Variants in CDC23 observed in about 807,000 individuals in gnomAD.
CDC23 encodes cell division cycle 23.
A neutral mutation model predicts 81.7 loss-of-function variants in CDC23; 26 were observed. The observed-to-expected ratio is 0.32, with a 90% CI of 0.23 to 0.44. The LOEUF is 0.44. Ranked by LOEUF, CDC23 falls within the 20% of genes least tolerant of loss-of-function variation. The probability of loss-of-function intolerance (pLI) is 1.00; values close to 1 mark genes in which losing one functional copy is unlikely to be tolerated. For missense variants in CDC23, 519 were observed against 728.0 expected (o/e 0.71, Z 3.30); for synonymous variants, 267 against 270.8 (o/e 0.99, Z 0.14).
At chr5:138,191,326 T>C (rs534615076) in intron 13 of CDC23, 148 bp downstream of exon 13, 4 of 760,244 alleles carry the variant, frequency 5.3e-6, no homozygotes, top group South Asian at 3.0e-5. Flanking sequence ...ACAAGATGGC[T>C]ACATTCACAA....
intron 2 of CDC23, among the ~76,000 whole-genome samples, chr5:138,212,198 G>A (rs1755120868): frequency 6.6e-6 from 1 of 152,152 alleles, no homozygotes; most frequent in South Asian, 2.1e-4. Context: ...TGAGGAAACT[G>A]GCTCAGAAGG....
rs762693491 is a variant in CDC23 at position 138,198,285 on chromosome 5, G to A, written c.931-5C>T. ...ACTCAACTCCGATTTCATGCTCTGG[G>A]ATAAAAGAAAAAGACAATATAAGCA... On this transcript the variant is annotated splice_polypyrimidine_tract_variant and splice_region_variant and intron_variant, in intron 8 of 15. Transcript: ENST00000394886. 1 of 1,611,460 alleles carries A rather than the reference G, an allele frequency of 6.2e-7. No individual in the cohort carries two copies. Among genetic ancestry groups the A allele is most frequent in the Non-Finnish European group, 8.5e-7 (1 of 1,177,908 alleles).
rs146729014 is a variant in CDC23, at chr5:138,197,211, CAGG to C, written c.1012+985_1012+987del. Among the ~76,000 whole-genome samples, 1,434 of 145,812 alleles carry C rather than the reference CAGG, an allele frequency of 9.8e-3. 70 individuals are homozygous for C. The highest frequency in any genetic ancestry group is 0.035 in the African/African-American group (1,359 of 38,734). On this transcript the variant is annotated intron_variant, in intron 9 of 15. Transcript: ENST00000394886. ...GTCCCAGCTACTCGGGAGGCTGAGG[CAGG>C]AGAATGGTGTAAACCCGGGAGGCAG...
chr5:138,197,265 C>A (rs527950077), intron 9 of CDC23, among the ~76,000 whole-genome samples: 10 of 137,200 alleles, frequency 7.3e-5, no homozygotes, highest in South Asian at 4.6e-4. Context: ...AATGGCGCCA[C>A]TGCACTCCAG....
At chr5:138,200,542 G>T (rs1398301264) in intron 6 of CDC23, among the ~76,000 whole-genome samples, 1 of 152,164 alleles carries the variant, frequency 6.6e-6, no homozygotes, top group East Asian at 1.9e-4. Flanking sequence ...AACATAGGCT[G>T]GGCGTGGTGG....
rs1300391859 is a variant in CDC23 at position 138,198,652 on chromosome 5, C to T, written c.785G>A (p.Ser262Asn). 1.2e-6 allele frequency: 2 copies of T among 1,614,012 alleles called. No individual in the cohort carries two copies. Among genetic ancestry groups the T allele is most frequent in the African/African-American group, 1.3e-5 (1 of 74,916 alleles). Residue 262 changes from serine to asparagine, a missense_variant, in exon 7 of 16, where the codon AGC (serine) becomes AAC (asparagine). Physicochemically the swap from Ser to Asn is conservative, Grantham distance 46. Around this residue, in one of 4 missense-constraint regions of CDC23, gnomAD observed 180 missense variants for 239.3 expected, o/e 0.75. Transcript: ENST00000394886. ...QNLIDVGFSK[S>N]SYIVSQIAVA... ...TGCAATTTGGGAAACAATATACGAG[C>T]TCTTAGAGAAGCCCACATCAATGAG...
chr5:138,194,958 G>A (rs1419730305), intron 9 of CDC23, among the ~76,000 whole-genome samples: 1 of 151,532 alleles, frequency 6.6e-6, no homozygotes, highest in African/African-American at 2.4e-5. Context: ...CTGAGCTCAG[G>A]TGATCCACCC....
chr5:138,188,067 C>A lies in CDC23; in HGVS notation c.*911G>T, dbSNP rs1754775909. 6.6e-6 allele frequency: 1 copy of A among 152,154 alleles called. No homozygotes were observed. The highest frequency in any genetic ancestry group is 2.4e-5 in the African/African-American group (1 of 41,410). The allele number at this position is 152,154 out of a possible 1,614,324, so 9.4% of individuals were successfully genotyped here. ...TCCAAGAGCACCATAAGAATGATTC[C>A]CTTTACCTCATCTAGATAAAGGCTG... On this transcript the variant is annotated 3_prime_UTR_variant, in exon 16 of 16. Transcript: ENST00000394886.
chr5:138,201,251 A>G lies in CDC23; in HGVS notation c.522-12T>C. 1 of 1,613,770 alleles carries G rather than the reference A, an allele frequency of 6.2e-7. No individual in the cohort carries two copies. The highest frequency in any genetic ancestry group is 8.5e-7 in the Non-Finnish European group (1 of 1,179,962). ...GCACCACACCATACCTGGGAAAAAA[A>G]AGAAACAATCACAGAAGTTAATGCT... On this transcript the variant is annotated splice_polypyrimidine_tract_variant and intron_variant, in intron 5 of 15. Transcript: ENST00000394886.
intron 4 of CDC23, 46 bp downstream of exon 4, chr5:138,202,067 G>A (rs1000370993): frequency 1.4e-6 from 2 of 1,457,566 alleles, no homozygotes; most frequent in Non-Finnish European, 1.9e-6. Flanking sequence ...ATTTAAGTTT[G>A]CAACCCTGCT....
At chr5:138,204,160 G>C (rs1755021520) in intron 3 of CDC23, among the ~76,000 whole-genome samples, 1 of 152,132 alleles carries the variant, frequency 6.6e-6, no homozygotes, top group Admixed American at 6.6e-5. Flanking sequence ...ATAAAGTAGA[G>C]AGAAATGATA....
At chr5:138,212,916 G>GTGACAGGGCC (rs1755130293) in intron 2 of CDC23, 75 bp downstream of exon 2, 1 of 1,249,216 alleles carries the variant, frequency 8.0e-7, no homozygotes. Flanking sequence ...CTCTCCTCCA[G>GTGACAGGGCC]TGACAGGGCA....
intron 6 of CDC23, 197 bp downstream of exon 6, chr5:138,200,910 C>A: frequency 1.8e-6 from 1 of 560,654 alleles, no homozygotes; most frequent in Non-Finnish European, 3.1e-6. Context: ...ACAAATCCAA[C>A]AGCAACTACT....
Position 138,213,041 on chromosome 5 carries a change from G to T in CDC23, c.184C>A (p.Leu62Ile). Reference protein sequence around the residue: ...SKWSAELAFSLPALPLAELQP... With the variant: ...SKWSAELAFSIPALPLAELQP... ...AGCTCGGCCAGAGGCAATGCAGGGA[G>T]AGAGAAAGCCAACTCCGCCGACCTG... Residue 62 changes from leucine to isoleucine, a missense_variant, in exon 2 of 16, where the codon CTC becomes ATC. Physicochemically the swap from Leu to Ile is conservative, Grantham distance 5. Coordinates refer to ENST00000394886, the MANE Select transcript of CDC23 (RefSeq NM_004661.4). 6.2e-7 allele frequency: 1 copy of T among 1,613,902 alleles called. No homozygotes were observed. The highest frequency in any genetic ancestry group is 8.5e-7 in the Non-Finnish European group (1 of 1,179,944).
chr5:138,188,897 G>T lies in CDC23; in HGVS notation c.*81C>A. 1 of 1,377,572 alleles carries T rather than the reference G, an allele frequency of 7.3e-7. No individual in the cohort carries two copies. Among genetic ancestry groups the T allele is most frequent in the Non-Finnish European group, 9.9e-7 (1 of 1,011,186 alleles). 85.3% of individuals were successfully genotyped at this position (1,377,572 alleles called of 1,614,324 possible). On this transcript the variant is annotated 3_prime_UTR_variant, in exon 16 of 16. Transcript: ENST00000394886. Reference sequence around the variant, plus strand: ...AGAAACAAGAAGAGCTGAGGTCCTTGGAACAGACGTGCTGTTCTTTACATG... The same window carrying T: ...AGAAACAAGAAGAGCTGAGGTCCTTTGAACAGACGTGCTGTTCTTTACATG...
chr5:138,206,233 T>G (rs973896341), intron 3 of CDC23: 2 of 441,454 alleles, frequency 4.5e-6, no homozygotes, highest in African/African-American at 2.0e-5. Context: ...ATTTATAAAT[T>G]TAAAAGTCAG....
intron 9 of CDC23, among the ~76,000 whole-genome samples, chr5:138,195,855 ATGC>A (rs2126582504): frequency 7.2e-6 from 1 of 138,338 alleles, no homozygotes; most frequent in East Asian, 2.0e-4. Flanking sequence ...ATAAAATAAA[ATGC>A]TGCCGCTCAA....
chr5:138,204,046 A>C (rs924229723), intron 3 of CDC23, among the ~76,000 whole-genome samples: 7 of 152,262 alleles, frequency 4.6e-5, no homozygotes, highest in African/African-American at 1.7e-4. Flanking sequence ...TATTCTAAAG[A>C]GAACAAATTA....
At chr5:138,208,324 A>G (rs978935314) in intron 2 of CDC23, among the ~76,000 whole-genome samples, 4 of 152,282 alleles carry the variant, frequency 2.6e-5, no homozygotes, top group Non-Finnish European at 4.4e-5. Flanking sequence ...TCTTGCCCCA[A>G]ATATCACCAG....
Sources: gnomAD v4.1 joint callset for allele counts (sites outside exome capture counted in the v4.1 genomes callset) on GRCh38, gnomAD v4.1.1 for gene constraint, gnomAD v4.1.1 regional missense constraint, MANE v1.5 for transcripts, NCBI Gene and HGNC (gene_info 2026-07-23, HGNC 2026-07-21) for gene names.